ASRGL1: variants seen among roughly 807,000 people sequenced by gnomAD.
The protein encoded by ASRGL1 is asparaginase and isoaspartyl peptidase 1, also known as isoaspartyl peptidase/L-asparaginase.
Under a neutral mutation model 22.4 loss-of-function variants are expected in ASRGL1, and 16 were observed. The observed-to-expected ratio is 0.71, with a 90% CI of 0.48 to 1.08. The LOEUF (loss-of-function observed/expected upper bound fraction) is 1.08, where lower values mean the gene tolerates loss of function less well. ASRGL1 is among the 50% of genes least tolerant of loss of function. The probability of loss-of-function intolerance (pLI) is 0.00; values close to 1 mark genes in which losing one functional copy is unlikely to be tolerated. For synonymous variants in ASRGL1, 165 were observed against 159.3 expected (o/e 1.04, Z -0.27); for missense variants, 412 against 410.1 (o/e 1.00, Z -0.04).
At chr11:62,390,364 A>T (rs543469085) in intron 5 of ASRGL1, among the ~76,000 whole-genome samples, 1 of 152,230 alleles carries the variant, frequency 6.6e-6, no homozygotes, top group African/African-American at 2.4e-5. Context: ...GCCACTGGCC[A>T]GGCCCCTGCC....
chr11:62,394,279 CAT>C (rs1285038212), downstream of ASRGL1, among the ~76,000 whole-genome samples: 11 of 137,686 alleles, frequency 8.0e-5, no homozygotes, highest in South Asian at 8.7e-4. Context: ...TATTATATAT[CAT>C]ATATTGTATA....
intron 4 of ASRGL1, among the ~76,000 whole-genome samples, chr11:62,380,332 G>A (rs776848900): frequency 7.9e-5 from 12 of 152,148 alleles, no homozygotes; most frequent in East Asian, 7.7e-4. Flanking sequence ...GCAGCATCTC[G>A]GAGCCTTGCC....
Position 62,356,577 on chromosome 11 carries a change from T to C in ASRGL1, c.333+110T>C, listed in dbSNP as rs79567854. ...TGAGATCACTGTTCTCCTAAAAATA[T>C]ATACAAAACAGATGCAATGTATTTG... On this transcript the variant is annotated intron_variant, in intron 3 of 6. Coordinates refer to ENST00000415229, the MANE Select transcript of ASRGL1 (RefSeq NM_001083926.2). The C allele has an allele frequency of 8.7e-3, 11,463 of 1,311,302 alleles. 835 individuals are homozygous for C. In the African/African-American group the frequency reaches 0.15, roughly 17 times the overall value. 81.2% of individuals were successfully genotyped at this position (1,311,302 alleles called of 1,614,324 possible).
At chr11:62,391,468 T>C (rs1260722227) in intron 5 of ASRGL1, 54 bp from the exon 6 acceptor site, 1 of 1,553,642 alleles carries the variant, frequency 6.4e-7, no homozygotes, top group Non-Finnish European at 8.7e-7. Flanking sequence ...ACTTCTAATA[T>C]GGATTTGAAT....
intron 4 of ASRGL1, among the ~76,000 whole-genome samples, chr11:62,365,986 G>A (rs1946602060): frequency 1.3e-5 from 2 of 150,616 alleles, no homozygotes; most frequent in Non-Finnish European, 3.0e-5. Flanking sequence ...ATGGCTGGGT[G>A]TGGTGGCTTA....
chr11:62,355,811 G>A (rs868801833), intron 2 of ASRGL1, among the ~76,000 whole-genome samples: 1 of 152,064 alleles, frequency 6.6e-6, no homozygotes, highest in Non-Finnish European at 1.5e-5. Context: ...AGATTAGGGA[G>A]TGGTGATGAC....
At chr11:62,343,584 C>T (rs1037136198) in intron 2 of ASRGL1, among the ~76,000 whole-genome samples, 1 of 151,376 alleles carries the variant, frequency 6.6e-6, no homozygotes, top group Non-Finnish European at 1.5e-5. Flanking sequence ...AAAAATTAGC[C>T]AGGCATGGTG....
chr11:62,351,469 G>A (rs1946164544), intron 2 of ASRGL1, among the ~76,000 whole-genome samples: 2 of 152,062 alleles, frequency 1.3e-5, no homozygotes, highest in Non-Finnish European at 2.9e-5. Flanking sequence ...GGCCAACATG[G>A]TGAAACGCCG....
intron 4 of ASRGL1, chr11:62,372,755 G>GC: frequency 2.6e-6 from 4 of 1,544,004 alleles, no homozygotes; most frequent in Non-Finnish European, 3.6e-6. Flanking sequence ...ACTTCCCTGG[G>GC]CATGGGGCTT....
At chr11:62,394,201 TA>T (rs925137077), downstream of ASRGL1, among the ~76,000 whole-genome samples, 4 of 131,844 alleles carry the variant, frequency 3.0e-5, no homozygotes, top group African/African-American at 1.3e-4. Context: ...CTATTATATA[TA>T]ATATATGATA....
At chr11:62,338,666 T>C (rs1320776068) in intron 2 of ASRGL1, among the ~76,000 whole-genome samples, 1 of 152,128 alleles carries the variant, frequency 6.6e-6, no homozygotes, top group Non-Finnish European at 1.5e-5. Context: ...TTTAGCACGG[T>C]GGCTCACGCC....
downstream of ASRGL1, among the ~76,000 whole-genome samples, chr11:62,393,866 C>T (rs1170536061): frequency 6.6e-6 from 1 of 150,846 alleles, no homozygotes. Flanking sequence ...CCCGAGGCCT[C>T]TCTCCATGGC....
intron 4 of ASRGL1, among the ~76,000 whole-genome samples, chr11:62,362,647 A>T (rs61389562): frequency 0.032 from 762 of 23,986 alleles, 133 homozygotes; most frequent in Admixed American, 0.056. Flanking sequence ...ATAATATATA[A>T]TATATATTAT....
At chr11:62,356,934 AAG>A in intron 3 of ASRGL1, 51 bp from the exon 4 acceptor site, 1 of 1,546,780 alleles carries the variant, frequency 6.5e-7, no homozygotes, top group Non-Finnish European at 8.7e-7. Context: ...AACAGTTAAA[AAG>A]ATTTAAAATT....
chr11:62,337,564 C>T lies in ASRGL1; in HGVS notation c.-99C>T. ...TTGAGGTCTCGGCGTCCGCGTCCTGCGGTGCCCTGGGTAAGTCGGCGGCCC... is the reference window on the plus strand; with the variant it reads ...TTGAGGTCTCGGCGTCCGCGTCCTGTGGTGCCCTGGGTAAGTCGGCGGCCC... On this transcript the variant is annotated 5_prime_UTR_variant, in exon 1 of 7. Transcript: ENST00000415229. The T allele has an allele frequency of 6.2e-6, 1 of 161,416 alleles. No homozygotes were observed. Among genetic ancestry groups the T allele is most frequent in the East Asian group, 1.9e-4 (1 of 5,382 alleles). The allele number at this position is 161,416 out of a possible 1,614,324, so 10.0% of individuals were successfully genotyped here.
chr11:62,362,638 T>TTATATAA (rs1480268362), intron 4 of ASRGL1, among the ~76,000 whole-genome samples: 2 of 22,730 alleles, frequency 8.8e-5, no homozygotes, highest in Non-Finnish European at 1.9e-4. Context: ...AAAATATATA[T>TTATATAA]AATATATAAT....
chr11:62,395,579 A>G (rs950293319), downstream of ASRGL1, among the ~76,000 whole-genome samples: 1 of 151,988 alleles, frequency 6.6e-6, no homozygotes, highest in Admixed American at 6.6e-5. Context: ...CTGAGACCAA[A>G]GGAAGGAGTG....
chr11:62,337,989 C>G lies in ASRGL1; in HGVS notation c.12C>G (p.Ile4Met), dbSNP rs771560213. The change falls in exon 2 of 7, where the codon ATC (isoleucine) becomes ATG (methionine). Residue 4 changes from isoleucine (I) to methionine (M), a missense_variant. By Grantham distance (10) the Ile-to-Met change is conservative. Coordinates refer to ENST00000415229, the MANE Select transcript of ASRGL1 (RefSeq NM_001083926.2). The stretch of plus-strand genomic sequence containing the variant: ...TAGGATCCGCCGACATGAATCCCAT[C>G]GTAGTGGTCCACGGCGGCGGAGCCG... Reference protein sequence around the residue: MNPIVVVHGGGAGP... With the variant: MNPMVVVHGGGAGP... 2 of 1,599,756 alleles carry G rather than the reference C, an allele frequency of 1.3e-6. No homozygotes were observed. Among genetic ancestry groups the G allele is most frequent in the South Asian group, 1.1e-5 (1 of 88,744 alleles).
intron 4 of ASRGL1, among the ~76,000 whole-genome samples, chr11:62,364,222 A>G (rs577754361): frequency 7.7e-6 from 1 of 130,534 alleles, no homozygotes; most frequent in East Asian, 2.4e-4. Context: ...ATTTTTATGG[A>G]ATAAATACAT....
Sources: gnomAD v4.1 joint callset for allele counts (sites outside exome capture counted in the v4.1 genomes callset) on GRCh38, gnomAD v4.1.1 for gene constraint, MANE v1.5 for transcripts, NCBI Gene and HGNC (gene_info 2026-07-23, HGNC 2026-07-21) for gene names.